The following ARK2N variants were observed in gnomAD, a reference collection of about 807,000 sequenced individuals.
ARK2N encodes the protein arkadia (RNF111) N-terminal like PKA signaling regulator 2N, also known as protein ARK2N.
the ARK2N span, among the ~76,000 whole-genome samples, chr18:46,223,402 G>A: frequency 6.6e-6 from 1 of 152,152 alleles, no homozygotes; most frequent in East Asian, 1.9e-4. Flanking sequence ...GACTTCATGA[G>A]GTTTTTGTTT....
the ARK2N span, among the ~76,000 whole-genome samples, chr18:46,239,311 A>G: frequency 6.6e-6 from 1 of 152,324 alleles, no homozygotes; most frequent in Admixed American, 6.5e-5. Context: ...CATATTGTTT[A>G]GTTGGAGTAT....
chr18:46,244,145 C>CA, the ARK2N span, among the ~76,000 whole-genome samples: 8 of 152,274 alleles, frequency 5.3e-5, no homozygotes, highest in East Asian at 9.6e-4. Context: ...CCTCAGGTAA[C>CA]TCTTGTATCC....
the ARK2N span, among the ~76,000 whole-genome samples, chr18:46,241,607 G>A: frequency 1.3e-4 from 19 of 151,638 alleles, no homozygotes; most frequent in African/African-American, 4.6e-4. Context: ...GGTGGGCGTG[G>A]TGGTGGGCGC....
At chr18:46,217,654 T>C in the ARK2N span, 1 of 152,236 alleles carries the variant, frequency 6.6e-6, no homozygotes. Flanking sequence ...CCCAAACTTA[T>C]ATAAATTCAG....
At chr18:46,193,615 T>TTA in the ARK2N span, among the ~76,000 whole-genome samples, 3 of 140,870 alleles carry the variant, frequency 2.1e-5, no homozygotes, top group Non-Finnish European at 3.1e-5. Context: ...TTTTTTTTTT[T>TTA]AATGACAGAG....
chr18:46,189,065 A>G, the ARK2N span, among the ~76,000 whole-genome samples: 2 of 152,138 alleles, frequency 1.3e-5, no homozygotes, highest in African/African-American at 4.8e-5. Context: ...AAATAAAAAA[A>G]TTAGCCAGGC....
chr18:46,217,540 C>T, the ARK2N span: 1 of 152,152 alleles, frequency 6.6e-6, no homozygotes, highest in African/African-American at 2.4e-5. Context: ...TTTTCTCTCC[C>T]TGTTTTCTGA....
the ARK2N span, among the ~76,000 whole-genome samples, chr18:46,196,732 A>G: frequency 3.9e-5 from 6 of 152,364 alleles, no homozygotes; most frequent in East Asian, 5.8e-4. Context: ...TAGTTGGTCA[A>G]TTATGACTTT....
chr18:46,216,756 C>A, the ARK2N span: 1 of 644,012 alleles, frequency 1.6e-6, no homozygotes, highest in African/African-American at 1.8e-5. The surrounding 1 kb of genome is among the most constrained non-coding windows in gnomAD (Gnocchi z 4.3). Flanking sequence ...ATTTATAAAA[C>A]CTGTTCTGAG....
At chr18:46,213,219 C>G in the ARK2N span, among the ~76,000 whole-genome samples, 1 of 151,888 alleles carries the variant, frequency 6.6e-6, no homozygotes, top group South Asian at 2.1e-4. Flanking sequence ...CCAGGCTGGT[C>G]TTGAACTCCT....
At chr18:46,193,833 A>G in the ARK2N span, among the ~76,000 whole-genome samples, 3 of 151,922 alleles carry the variant, frequency 2.0e-5, no homozygotes, top group South Asian at 6.2e-4. Flanking sequence ...TCCTGGCCTC[A>G]AGTGATCTGC....
chr18:46,248,944 C>T, the ARK2N span, among the ~76,000 whole-genome samples: 1 of 152,158 alleles, frequency 6.6e-6, no homozygotes, highest in East Asian at 1.9e-4. Context: ...ACCAATCCCC[C>T]ATCCCTTTAT....
the ARK2N span, among the ~76,000 whole-genome samples, chr18:46,201,010 T>A: frequency 1.3e-5 from 2 of 148,744 alleles, no homozygotes; most frequent in African/African-American, 5.0e-5. Context: ...GACAGGGTCT[T>A]GCTCTGTCAC....
At chr18:46,193,515 C>T in the ARK2N span, among the ~76,000 whole-genome samples, 5 of 150,506 alleles carry the variant, frequency 3.3e-5, no homozygotes, top group East Asian at 9.8e-4. Context: ...TCTTGAACTT[C>T]TGACCTCAAG....
the ARK2N span, among the ~76,000 whole-genome samples, chr18:46,250,832 A>G: frequency 1.3e-5 from 2 of 152,016 alleles, no homozygotes; most frequent in African/African-American, 2.4e-5. Context: ...AAATCTCACC[A>G]AACTTTTATA....
chr18:46,199,416 G>T, the ARK2N span, among the ~76,000 whole-genome samples: 1 of 151,064 alleles, frequency 6.6e-6, no homozygotes, highest in Non-Finnish European at 1.5e-5. Context: ...CTGGCTTCAA[G>T]CGATTCTTCC....
At chr18:46,247,915 T>G in the ARK2N span, among the ~76,000 whole-genome samples, 2 of 152,204 alleles carry the variant, frequency 1.3e-5, no homozygotes, top group Non-Finnish European at 1.5e-5. Context: ...TCAAGTGATC[T>G]GCCTGCCTCG....
At chr18:46,177,407 G>A in the ARK2N span, among the ~76,000 whole-genome samples, 3 of 140,516 alleles carry the variant, frequency 2.1e-5, no homozygotes, top group East Asian at 2.1e-4. Context: ...TCTTTTGTTC[G>A]TTTGTTCTTT....
At chr18:46,174,100 A>G in the ARK2N span, 1 of 152,660 alleles carries the variant, frequency 6.6e-6, no homozygotes, top group Non-Finnish European at 1.5e-5. Flanking sequence ...GACTGAAGGG[A>G]CTTGGTGGTA....
Sources: allele counts gnomAD v4.1 joint callset (sites outside exome capture counted in the v4.1 genomes callset), GRCh38; gene constraint gnomAD v4.1.1; non-coding constraint Gnocchi (gnomAD v3.1); transcripts MANE v1.5; gene names NCBI Gene and HGNC (gene_info 2026-07-23, HGNC 2026-07-21).